BTBD2: variants seen among roughly 807,000 people sequenced by gnomAD.
BTBD2 encodes BTB domain containing 2, also known as BTB/POZ domain-containing protein 2.
In BTBD2, 15 loss-of-function variants were observed where a neutral mutation model predicts 44.0. The ratio of observed to expected loss-of-function variants is 0.34; its 90% CI spans 0.23 to 0.53. The LOEUF (loss-of-function observed/expected upper bound fraction) is 0.53. BTBD2 is among the 20% of genes least tolerant of loss of function. BTBD2 has a pLI of 0.95. For missense variants in BTBD2, 657 were observed against 746.4 expected (o/e 0.88, Z 1.39); for synonymous variants, 443 against 335.9 (o/e 1.32, Z -3.49).
intron 3 of BTBD2, 122 bp from the exon 4 acceptor site, chr19:1,990,944 G>A (rs2016168936): frequency 1.2e-6 from 1 of 855,096 alleles, no homozygotes; most frequent in South Asian, 1.6e-5. Context: ...AGCGTGGCCA[G>A]GAGCCACCAG....
intron 1 of BTBD2, among the ~76,000 whole-genome samples, chr19:2,000,252 C>T (rs1303716765): frequency 6.6e-6 from 1 of 151,930 alleles, no homozygotes; most frequent in African/African-American, 2.4e-5. Context: ...TGGCCGCGTC[C>T]TCAAGGGCCC....
chr19:1,990,360 T>G, intron 4 of BTBD2, 159 bp from the exon 5 acceptor site: 1 of 761,536 alleles, frequency 1.3e-6, no homozygotes, highest in Non-Finnish European at 2.1e-6. Flanking sequence ...AATAAAGCTT[T>G]ATCAACACAA....
intron 1 of BTBD2, among the ~76,000 whole-genome samples, chr19:1,999,380 A>G (rs374395735): frequency 3.4e-4 from 52 of 152,298 alleles, no homozygotes; most frequent in African/African-American, 1.2e-3. Flanking sequence ...GAAGGAGGAG[A>G]AACAGGCCGG....
rs1568224202 is a variant in BTBD2, at chr19:2,012,145, C to CACCCG, written c.407+3151_407+3152insCGGGT. ...CTGGGATTACAGGCGTGAGCCACCG[C>CACCCG]GCCCAGCCTGTCCTTTATTTTTTTT... On this transcript the variant is annotated intron_variant, in intron 1 of 8. Coordinates refer to ENST00000255608, the MANE Select transcript of BTBD2 (RefSeq NM_017797.4). Among the ~76,000 whole-genome samples, 166 of 148,814 alleles carry CACCCG rather than the reference C, an allele frequency of 1.1e-3. 5 individuals are homozygous for CACCCG. The highest frequency in any genetic ancestry group is 4.0e-3 in the African/African-American group (158 of 39,896).
intron 1 of BTBD2, among the ~76,000 whole-genome samples, chr19:1,997,885 C>T (rs971058169): frequency 1.3e-5 from 2 of 152,202 alleles, no homozygotes; most frequent in Non-Finnish European, 1.5e-5. Flanking sequence ...TTCACACAGG[C>T]GTTCATTCAC....
chr19:2,013,340 A>G (rs2016491930), intron 1 of BTBD2, among the ~76,000 whole-genome samples: 1 of 151,884 alleles, frequency 6.6e-6, no homozygotes, highest in Non-Finnish European at 1.5e-5. Flanking sequence ...GGTACCCCGC[A>G]CACTGGCAAA....
intron 2 of BTBD2, 81 bp from the exon 3 acceptor site, chr19:1,993,257 C>T (rs530039746): frequency 1.4e-6 from 2 of 1,475,100 alleles, no homozygotes; most frequent in Non-Finnish European, 1.8e-6. Context: ...CCACTCAGAC[C>T]GTTAGACTCG....
Position 2,015,529 on chromosome 19 carries a change from G to A in BTBD2, c.175C>T (p.Pro59Ser). Residue 59 changes from proline to serine, a missense_variant, in exon 1 of 9, where the codon CCG (proline) becomes TCG (serine). Physicochemically the swap from Pro to Ser is moderately conservative, Grantham distance 74 (BLOSUM62 -1). Around this residue, in one of 3 missense-constraint regions of BTBD2, gnomAD observed 191 missense variants for 188.5 expected, o/e 1.01. Transcript: ENST00000255608. ...GTCCCGGGGCCCGGCGGGGCGGGCGGCGTCGGCCCAGGGGCGGCGGCGGCG... is the reference window on the plus strand; with the variant it reads ...GTCCCGGGGCCCGGCGGGGCGGGCGACGTCGGCCCAGGGGCGGCGGCGGCG... ...AAAAAAPGPT[P>S]PAPPGPGTDA... is the part of the protein sequence containing the mutation. The A allele has an allele frequency of 1.0e-6, 1 of 959,422 alleles. No individual in the cohort carries two copies. Among genetic ancestry groups the A allele is most frequent in the South Asian group, 4.7e-5 (1 of 21,112 alleles). The allele number at this position is 959,422 out of a possible 1,614,324, so 59.4% of individuals were successfully genotyped here. A position where few individuals can be genotyped will look rare whatever the true frequency, so the allele number is the denominator to read the frequency against.
intron 1 of BTBD2, among the ~76,000 whole-genome samples, chr19:2,009,008 G>A (rs1317023296): frequency 1.4e-5 from 2 of 145,374 alleles, no homozygotes; most frequent in South Asian, 2.2e-4. Flanking sequence ...TGAGACCCCA[G>A]AACACACTGT....
At chr19:1,994,104 G>T (rs952340583) in intron 2 of BTBD2, among the ~76,000 whole-genome samples, 1 of 149,254 alleles carries the variant, frequency 6.7e-6, no homozygotes, top group Non-Finnish European at 1.5e-5. Context: ...ATCACTTGAG[G>T]CCAGGAGTTA....
Position 1,999,891 on chromosome 19 carries a change from G to C in BTBD2, c.408-2428C>G, listed in dbSNP as rs530422659. 2.7e-4 allele frequency among the ~76,000 whole-genome samples: 41 copies of C among 151,610 alleles called. No homozygotes were observed. In the East Asian group the frequency reaches 7.9e-3, roughly 29 times the overall value. On this transcript the variant is annotated intron_variant, in intron 1 of 8. Transcript: ENST00000255608. ...GCAGGAGAATTGCTTGAACCCGGGAGGCGGAGGTTTCAGTGAGCCAAGATC... is the reference window on the plus strand; with the variant it reads ...GCAGGAGAATTGCTTGAACCCGGGACGCGGAGGTTTCAGTGAGCCAAGATC...
At chr19:2,011,523 C>A (rs1177910299) in intron 1 of BTBD2, among the ~76,000 whole-genome samples, 3 of 152,192 alleles carry the variant, frequency 2.0e-5, no homozygotes, top group African/African-American at 7.2e-5. Context: ...GGGCACTGCA[C>A]TCTCCATCAA....
chr19:2,010,760 C>G (rs1357607114), intron 1 of BTBD2, among the ~76,000 whole-genome samples: 1 of 152,068 alleles, frequency 6.6e-6, no homozygotes, highest in East Asian at 1.9e-4. Flanking sequence ...CTGCCTCAGA[C>G]TCTGAGTAGC....
At chr19:2,011,452 C>T (rs2016464001) in intron 1 of BTBD2, among the ~76,000 whole-genome samples, 1 of 152,012 alleles carries the variant, frequency 6.6e-6, no homozygotes, top group Admixed American at 6.6e-5. Context: ...CTGCTCCGGC[C>T]TTGCCATGGC....
intron 4 of BTBD2, among the ~76,000 whole-genome samples, 192 bp downstream of exon 4, chr19:1,990,525 C>G (rs1007772919): frequency 7.9e-5 from 12 of 152,226 alleles, no homozygotes; most frequent in African/African-American, 2.9e-4. Context: ...GGGCTCTGGC[C>G]TGTGGCCTCC....
At position 2,009,041 on chromosome 19, in the gene BTBD2, CAG is replaced by C. The variant is rs546408742; in HGVS notation, c.407+6254_407+6255del. Among the ~76,000 whole-genome samples the C allele has an allele frequency of 1.4e-3, 200 of 147,718 alleles. 1 individual carries two copies. The highest frequency in any genetic ancestry group is 3.3e-3 in the African/African-American group (130 of 39,592). ...TGTTCTTTTTTTTTTTTTTCCAAGA[CAG>C]AGTCTCGCTTTGTCACCCAGGCTGA... On this transcript the variant is annotated intron_variant, in intron 1 of 8. Transcript: ENST00000255608.
intron 1 of BTBD2, among the ~76,000 whole-genome samples, chr19:2,002,392 A>G (rs10407860): frequency 0.37 from 56,726 of 151,804 alleles, 11,134 homozygotes; most frequent in African/African-American, 0.51. Flanking sequence ...GAAGTTCTGT[A>G]AGCTGTTATG....
rs1303324087 is a variant in BTBD2 at position 2,015,393 on chromosome 19, T to C, written c.311A>G (p.Gln104Arg). 21 of 1,565,544 alleles carry C rather than the reference T, an allele frequency of 1.3e-5. No homozygotes were observed. Among genetic ancestry groups the C allele is most frequent in the Non-Finnish European group, 1.7e-5 (20 of 1,164,230 alleles). Residue 104 changes from glutamine (Q) to arginine (R), a missense_variant, in exon 1 of 9, where the codon CAG becomes CGG. Around this residue, in one of 3 missense-constraint regions of BTBD2, gnomAD observed 191 missense variants for 188.5 expected, o/e 1.01. Coordinates refer to ENST00000255608, the MANE Select transcript of BTBD2 (RefSeq NM_017797.4). ...GTTGAAGAGGAAGGCGAAGCGCTCC[T>C]GCACGGTGGGCTTGCTGGCCTGCCA... ...YNWQASKPTV[Q>R]ERFAFLFNNE...
Position 1,986,318 on chromosome 19 carries a change from G to T in BTBD2, c.*170C>A. 18 of 829,950 alleles carry T rather than the reference G, an allele frequency of 2.2e-5. No individual in the cohort carries two copies. In the South Asian group the frequency reaches 3.0e-4, roughly 14 times the overall value. The allele number at this position is 829,950 out of a possible 1,614,324, so 51.4% of individuals were successfully genotyped here. A position where few individuals can be genotyped will look rare whatever the true frequency, so the allele number is the denominator to read the frequency against. On this transcript the variant is annotated 3_prime_UTR_variant, in exon 9 of 9. Transcript: ENST00000255608. ...CCCTGATCCAGCAGCCACACTCGTG[G>T]TGAACACAGGGCAACCCCGTCCTGA...
Sources: gnomAD v4.1 joint callset for allele counts (sites outside exome capture counted in the v4.1 genomes callset) on GRCh38, gnomAD v4.1.1 for gene constraint, gnomAD v4.1.1 regional missense constraint, MANE v1.5 for transcripts, NCBI Gene and HGNC (gene_info 2026-07-23, HGNC 2026-07-21) for gene names.